The following CCDC141 variants were observed in gnomAD, a reference collection of about 807,000 sequenced individuals.
CCDC141 encodes coiled-coil domain containing 141, also known as coiled-coil domain-containing protein 141.
Under a neutral mutation model 181.0 loss-of-function variants are expected in CCDC141, and 168 were observed. That is an observed-to-expected ratio of 0.93 (90% CI 0.82 to 1.05). The LOEUF is 1.05. Among genes scored for constraint, CCDC141 ranks in the 50% least tolerant of loss-of-function variants. The pLI is 0.00. For missense variants in CCDC141, 1,902 were observed against 1,788.5 expected, an observed-to-expected ratio of 1.06 and a Z score of -1.14; for synonymous variants, 666 against 642.3, an observed-to-expected ratio of 1.04 and a Z score of -0.56.
At chr2:178,852,203 G>A (rs1310251498) in intron 20 of CCDC141, among the ~76,000 whole-genome samples, 1 of 152,220 alleles carries the variant, frequency 6.6e-6, no homozygotes, top group African/African-American at 2.4e-5. Context: ...AACAAAGCCA[G>A]ATGCAGGATC....
At position 178,872,260 on chromosome 2, in the gene CCDC141, T is replaced by C; in HGVS notation, c.1952A>G (p.Asn651Ser). Residue 651 changes from asparagine (N) to serine (S), a missense_variant, in exon 13 of 24, where the codon AAC (asparagine) becomes AGC (serine). By Grantham distance (46) the Asn-to-Ser change is conservative. Transcript: ENST00000443758. ...DVKNEVYLMK[N>S]TMENQKAERE... Reference sequence around the variant, plus strand: ...TTCTGCTTTCTGGTTTTCCATGGTGTTCTTCATGAGGTACACTTCATTTTT... The same window carrying C: ...TTCTGCTTTCTGGTTTTCCATGGTGCTCTTCATGAGGTACACTTCATTTTT... The C allele has an allele frequency of 6.2e-7, 1 of 1,614,082 alleles. No homozygotes were observed. Among genetic ancestry groups the C allele is most frequent in the Non-Finnish European group, 8.5e-7 (1 of 1,179,954 alleles).
At chr2:179,018,327 G>GT (rs2042602154) in intron 2 of CCDC141, among the ~76,000 whole-genome samples, 1 of 152,108 alleles carries the variant, frequency 6.6e-6, no homozygotes. Context: ...AACATAAACT[G>GT]TGGGATACAG....
At position 179,047,358 on chromosome 2, in the gene CCDC141, G is replaced by C. The variant is rs1265783768; in HGVS notation, c.151C>G (p.Leu51Val). The change falls in exon 2 of 24, where the codon CTA becomes GTA. Residue 51 changes from leucine to valine, a missense_variant. Leu to Val is a conservative substitution (Grantham distance 32, BLOSUM62 1). Transcript: ENST00000443758. ...TCATCTTGACTGCTGCCAATTTCTA[G>C]AAGATTGGGCTGTGATTCAGCCAGT... ...LQLAESQPNL[L>V]EIGSSQDETK... 3 of 1,541,660 alleles carry C rather than the reference G, an allele frequency of 1.9e-6. No individual in the cohort carries two copies. The highest frequency in any genetic ancestry group is 2.6e-6 in the Non-Finnish European group (3 of 1,144,344).
Position 178,853,549 on chromosome 2 carries a change from C to T in CCDC141, c.3136G>A (p.Glu1046Lys). ...GKYSTECKTK[E>K]AVKILHQQFN... ...TGCTGGTGGAGAATTTTCACAGCTT[C>T]CTTTGTCTTGCACTCTGTGGAATAT... The change falls in exon 20 of 24, where the codon GAA (glutamate) becomes AAA (lysine). Residue 1046 changes from glutamate to lysine, a missense_variant. Physicochemically the swap from Glu to Lys is moderately conservative, Grantham distance 56. Coordinates refer to ENST00000443758, the MANE Select transcript of CCDC141 (RefSeq NM_173648.4). 1 of 1,614,096 alleles carries T rather than the reference C, an allele frequency of 6.2e-7. No homozygotes were observed. Among genetic ancestry groups the T allele is most frequent in the South Asian group, 1.1e-5 (1 of 91,076 alleles).
intron 2 of CCDC141, among the ~76,000 whole-genome samples, chr2:178,991,982 A>G (rs954313428): frequency 6.6e-6 from 1 of 152,050 alleles, no homozygotes; most frequent in East Asian, 1.9e-4. Flanking sequence ...TCTTATCATC[A>G]TCTGCCTCAT....
intron 22 of CCDC141, among the ~76,000 whole-genome samples, chr2:178,843,399 T>C (rs1684809319): frequency 6.6e-6 from 1 of 152,222 alleles, no homozygotes; most frequent in Admixed American, 6.5e-5. Context: ...CACCAAATAG[T>C]TGCACGACTT....
intron 2 of CCDC141, among the ~76,000 whole-genome samples, chr2:179,043,969 A>C (rs2043398774): frequency 1.3e-5 from 2 of 152,256 alleles, no homozygotes; most frequent in Non-Finnish European, 2.9e-5. Flanking sequence ...CTCAGGATAC[A>C]AAATCAACGT....
chr2:178,995,671 G>A (rs1692255574), intron 2 of CCDC141, among the ~76,000 whole-genome samples: 1 of 152,196 alleles, frequency 6.6e-6, no homozygotes, highest in South Asian at 2.1e-4. Flanking sequence ...GGAAGATTGG[G>A]TAGAAACGGC....
intron 8 of CCDC141, among the ~76,000 whole-genome samples, chr2:178,896,899 A>G (rs1200436534): frequency 6.6e-6 from 1 of 152,086 alleles, no homozygotes; most frequent in East Asian, 1.9e-4. Context: ...ATTATTGCCA[A>G]TGAGTCTTTG....
At chr2:178,937,891 G>T (rs965017591) in intron 6 of CCDC141, among the ~76,000 whole-genome samples, 1 of 151,930 alleles carries the variant, frequency 6.6e-6, no homozygotes, top group African/African-American at 2.4e-5. Flanking sequence ...TTATTTCTAT[G>T]GGGTCAGTGG....
At chr2:178,920,665 A>C (rs1207826765) in intron 6 of CCDC141, among the ~76,000 whole-genome samples, 1 of 151,414 alleles carries the variant, frequency 6.6e-6, no homozygotes, top group Admixed American at 6.6e-5. Flanking sequence ...TTGAGGCTGC[A>C]GTGAATTGTG....
At chr2:178,989,301 C>T (rs1404494072) in intron 2 of CCDC141, among the ~76,000 whole-genome samples, 1 of 151,924 alleles carries the variant, frequency 6.6e-6, no homozygotes, top group Admixed American at 6.6e-5. Context: ...TTCAACTTAA[C>T]AATAGAAAGG....
At chr2:178,910,802 T>C (rs1688186775) in intron 7 of CCDC141, among the ~76,000 whole-genome samples, 2 of 152,214 alleles carry the variant, frequency 1.3e-5, no homozygotes, top group South Asian at 2.1e-4. Context: ...GGTGAATTCA[T>C]GGTATTAATG....
Position 178,856,242 on chromosome 2 carries a change from A to T in CCDC141, c.2865+15T>A. On this transcript the variant is annotated intron_variant, in intron 18 of 23. Coordinates refer to ENST00000443758, the MANE Select transcript of CCDC141 (RefSeq NM_173648.4). Reference sequence around the variant, plus strand: ...ATACACATGCGCACATATACAAACCATACTTTCTTGTTACCTGCATTTTTT... The same window carrying T: ...ATACACATGCGCACATATACAAACCTTACTTTCTTGTTACCTGCATTTTTT... 6.3e-7 allele frequency: 1 copy of T among 1,596,878 alleles called. No individual in the cohort carries two copies.
chr2:178,986,852 T>C (rs13417495), intron 2 of CCDC141, among the ~76,000 whole-genome samples: 72,310 of 147,660 alleles, frequency 0.49, 18,390 homozygotes, highest in East Asian at 0.83. Context: ...TCCATGCTCA[T>C]GGGTAGGAAG....
At chr2:178,990,576 G>GGA (rs1692002209) in intron 2 of CCDC141, among the ~76,000 whole-genome samples, 1 of 123,068 alleles carries the variant, frequency 8.1e-6, no homozygotes, top group Non-Finnish European at 1.7e-5. Context: ...AAGAGAAGGG[G>GGA]AGGGGAGTGG....
At chr2:178,990,279 T>C (rs535022406) in intron 2 of CCDC141, among the ~76,000 whole-genome samples, 1 of 151,510 alleles carries the variant, frequency 6.6e-6, no homozygotes, top group African/African-American at 2.4e-5. Flanking sequence ...TGTTGGCATT[T>C]CCTCAAAAAG....
chr2:178,997,639 A>G (rs1692347356), intron 2 of CCDC141, among the ~76,000 whole-genome samples: 1 of 152,158 alleles, frequency 6.6e-6, no homozygotes, highest in African/African-American at 2.4e-5. Flanking sequence ...GGATTGTCCC[A>G]CCAAATAGCA....
At chr2:179,027,353 G>C (rs1232800462) in intron 2 of CCDC141, among the ~76,000 whole-genome samples, 2 of 152,066 alleles carry the variant, frequency 1.3e-5, no homozygotes, top group Non-Finnish European at 2.9e-5. Flanking sequence ...TTTTAAAAAT[G>C]AGAGTTTCCG....
Sources: allele counts gnomAD v4.1 joint callset (sites outside exome capture counted in the v4.1 genomes callset), GRCh38; gene constraint gnomAD v4.1.1; transcripts MANE v1.5; gene names NCBI Gene and HGNC (gene_info 2026-07-23, HGNC 2026-07-21).